The following PXDNL variants were observed in gnomAD, a reference collection of about 807,000 sequenced individuals.
The protein encoded by PXDNL is probable oxidoreductase PXDNL.
In PXDNL, 145 loss-of-function variants were observed where a neutral mutation model predicts 150.8. That is an observed-to-expected ratio of 0.96 (90% CI 0.84 to 1.10). The LOEUF is 1.10. PXDNL is among the 50% of genes least tolerant of loss of function. The pLI is 0.00. For synonymous variants in PXDNL, 757 were observed against 725.7 expected, an observed-to-expected ratio of 1.04 and a Z score of -0.69; for missense variants, 2,087 against 1,873.9, an observed-to-expected ratio of 1.11 and a Z score of -2.10.
rs1816103426 is a variant in PXDNL, at chr8:51,695,618, A to G, written c.165-40858T>C. 2.0e-5 allele frequency among the ~76,000 whole-genome samples: 3 copies of G among 152,202 alleles called. No individual in the cohort carries two copies. In the South Asian group the frequency reaches 6.2e-4, roughly 31 times the overall value. ...AATCCATAGCACAGGGCACCCCAGC[A>G]TGCTCATTAACTGTTCCCTCCCCAA... On this transcript the variant is annotated intron_variant, in intron 1 of 22. Transcript: ENST00000356297.
intron 1 of PXDNL, among the ~76,000 whole-genome samples, chr8:51,724,048 C>T (rs1359424688): frequency 2.0e-5 from 3 of 148,844 alleles, no homozygotes; most frequent in Non-Finnish European, 4.4e-5. Context: ...TGGAGCGGAA[C>T]AGGCCTCTCT....
In PXDNL at chr8:51,363,531, G is replaced by A. The variant is rs562105209; in HGVS notation, c.3901+8342C>T. Among the ~76,000 whole-genome samples the A allele has an allele frequency of 2.3e-4, 35 of 152,144 alleles. 1 individual carries two copies. The highest frequency in any genetic ancestry group is 7.5e-4 in the African/African-American group (31 of 41,496). ...TACATGACTGGGGGCTGCATACACC[G>A]GTAATTAGAATGGAACAGAACAGGA... On this transcript the variant is annotated intron_variant, in intron 19 of 22. Coordinates refer to ENST00000356297, the MANE Select transcript of PXDNL (RefSeq NM_144651.5).
intron 4 of PXDNL, among the ~76,000 whole-genome samples, chr8:51,532,387 G>A (rs115353215): frequency 0.018 from 2,799 of 152,308 alleles, 86 homozygotes; most frequent in African/African-American, 0.063. Flanking sequence ...GAAACTCTCT[G>A]AGACTCTGCT....
chr8:51,344,682 C>T (rs1286508169), intron 20 of PXDNL, among the ~76,000 whole-genome samples: 3 of 152,186 alleles, frequency 2.0e-5, no homozygotes, highest in African/African-American at 7.2e-5. Context: ...ATTCAGTGAA[C>T]ACTACAACAG....
At chr8:51,584,933 AT>A (rs1444829374) in intron 3 of PXDNL, among the ~76,000 whole-genome samples, 2 of 152,150 alleles carry the variant, frequency 1.3e-5, no homozygotes, top group African/African-American at 4.8e-5. Context: ...GGCAAGGGTA[AT>A]GGATATGGAA....
chr8:51,447,583 GGCA>G (rs1563416177), intron 11 of PXDNL, among the ~76,000 whole-genome samples: 2 of 152,128 alleles, frequency 1.3e-5, no homozygotes, highest in Non-Finnish European at 2.9e-5. Context: ...AAAATGCAGA[GGCA>G]GCATATCGAA....
intron 4 of PXDNL, among the ~76,000 whole-genome samples, chr8:51,529,633 A>AT (rs1176981402): frequency 6.6e-6 from 1 of 152,164 alleles, no homozygotes; most frequent in Non-Finnish European, 1.5e-5. Flanking sequence ...TTGAATTTAA[A>AT]TTGTATCCAC....
At chr8:51,404,185 C>T (rs1808364940) in intron 17 of PXDNL, among the ~76,000 whole-genome samples, 1 of 152,216 alleles carries the variant, frequency 6.6e-6, no homozygotes, top group South Asian at 2.1e-4. Context: ...TAAGCAGCAG[C>T]AATATTTATC....
At chr8:51,339,951 T>A (rs1413838992) in intron 20 of PXDNL, 198 bp from the exon 21 acceptor site, 1 of 473,292 alleles carries the variant, frequency 2.1e-6, no homozygotes, top group Non-Finnish European at 3.7e-6. Flanking sequence ...ATCCAGAGTG[T>A]CACATCTGGT....
chr8:51,434,955 T>A (rs1240676807), intron 12 of PXDNL, among the ~76,000 whole-genome samples: 1 of 152,158 alleles, frequency 6.6e-6, no homozygotes, highest in East Asian at 1.9e-4. Context: ...AATTAATATA[T>A]CAATGTCACC....
chr8:51,444,044 A>G (rs1193973673), intron 12 of PXDNL, among the ~76,000 whole-genome samples: 1 of 152,226 alleles, frequency 6.6e-6, no homozygotes, highest in Non-Finnish European at 1.5e-5. Flanking sequence ...CATTTCCTTT[A>G]TCACACAAAC....
intron 1 of PXDNL, chr8:51,721,645 TA>T (rs200254443): frequency 0.021 from 7,001 of 338,838 alleles, 1 homozygote; most frequent in Middle Eastern, 0.038. Flanking sequence ...ATAATAAAAT[TA>T]AAAAAAAAAA....
chr8:51,470,024 C>G (rs769469720), intron 8 of PXDNL, among the ~76,000 whole-genome samples: 3 of 152,010 alleles, frequency 2.0e-5, no homozygotes, highest in Admixed American at 1.3e-4. Context: ...TAAGTTAAAA[C>G]AGGCAATGTG....
intron 1 of PXDNL, among the ~76,000 whole-genome samples, chr8:51,744,549 G>A (rs1345872931): frequency 3.4e-5 from 5 of 148,914 alleles, no homozygotes; most frequent in Admixed American, 2.0e-4. Context: ...GGTGGCAGGC[G>A]CCTGCAGTCC....
intron 8 of PXDNL, among the ~76,000 whole-genome samples, chr8:51,470,993 G>C (rs575969408): frequency 6.6e-6 from 1 of 150,816 alleles, no homozygotes; most frequent in East Asian, 1.9e-4. Flanking sequence ...ATGGGATCTA[G>C]TTAAACTAAA....
At chr8:51,414,736 G>A (rs1343957902) in intron 14 of PXDNL, among the ~76,000 whole-genome samples, 1 of 152,112 alleles carries the variant, frequency 6.6e-6, no homozygotes, top group East Asian at 1.9e-4. Context: ...GACAATATTT[G>A]CAATCTCAAA....
Position 51,339,849 on chromosome 8 carries a change from C to T in PXDNL, c.4017-96G>A, listed in dbSNP as rs986775770. The T allele has an allele frequency of 2.5e-6, 3 of 1,214,112 alleles. No individual in the cohort carries two copies. In the Admixed American group the frequency reaches 7.1e-5, roughly 29 times the overall value. The allele number at this position is 1,214,112 out of a possible 1,614,324, so 75.2% of individuals were successfully genotyped here. On this transcript the variant is annotated intron_variant, in intron 20 of 22. Transcript: ENST00000356297. ...ATCTTCTTTGGTCATTTGGCATGTACAAGGCATTGTGATTGGTGTTCTTTG... is the reference window on the plus strand; with the variant it reads ...ATCTTCTTTGGTCATTTGGCATGTATAAGGCATTGTGATTGGTGTTCTTTG...
At position 51,407,873 on chromosome 8, in the gene PXDNL, T is replaced by A. The variant is rs536028038; in HGVS notation, c.3557+194A>T. ...ATATTTGCATTTCCAAGGAGGTGGA[T>A]AGAAAAAGGAGCAGAAAGGGGGATT... On this transcript the variant is annotated intron_variant, in intron 17 of 22. Coordinates refer to ENST00000356297, the MANE Select transcript of PXDNL (RefSeq NM_144651.5). Among the ~76,000 whole-genome samples the A allele has an allele frequency of 1.8e-3, 274 of 152,182 alleles. 2 individuals are homozygous for A. Among genetic ancestry groups the A allele is most frequent in the African/African-American group, 6.1e-3 (255 of 41,512 alleles).
At chr8:51,608,706 G>T (rs1013062753) in intron 2 of PXDNL, among the ~76,000 whole-genome samples, 1 of 151,078 alleles carries the variant, frequency 6.6e-6, no homozygotes, top group Non-Finnish European at 1.5e-5. Flanking sequence ...GCGTGGTGGT[G>T]GGTGCCTGTA....
Sources: gnomAD v4.1 joint callset for allele counts (sites outside exome capture counted in the v4.1 genomes callset) on GRCh38, gnomAD v4.1.1 for gene constraint, MANE v1.5 for transcripts, NCBI Gene and HGNC (gene_info 2026-07-23, HGNC 2026-07-21) for gene names.